Variants in LURAP1L observed in about 807,000 individuals in gnomAD.
The protein encoded by LURAP1L is leucine rich adaptor protein 1-like.
Under a neutral mutation model 13.8 loss-of-function variants are expected in LURAP1L, and 12 were observed. The ratio of observed to expected loss-of-function variants is 0.87; its 90% CI spans 0.56 to 1.41. The LOEUF (loss-of-function observed/expected upper bound fraction) is 1.41. LURAP1L is among the 40% of genes most tolerant of loss of function. The probability of loss-of-function intolerance (pLI) is 0.00; values close to 1 mark genes in which losing one functional copy is unlikely to be tolerated. For synonymous variants in LURAP1L, 139 were observed against 119.2 expected (o/e 1.17, Z -1.08); for missense variants, 375 against 292.9 (o/e 1.28, Z -2.04).
chr9:12,814,621 A>G (rs766229681), intron 1 of LURAP1L, among the ~76,000 whole-genome samples: 1 of 152,170 alleles, frequency 6.6e-6, no homozygotes, highest in Non-Finnish European at 1.5e-5. Flanking sequence ...AACTGTACAG[A>G]TCTCACGAGC....
chr9:12,785,961 C>A (rs1176624701), intron 1 of LURAP1L, among the ~76,000 whole-genome samples: 1 of 152,044 alleles, frequency 6.6e-6, no homozygotes, highest in African/African-American at 2.4e-5. Flanking sequence ...TCTCTCAGAT[C>A]TTTTTTCATG....
intron 1 of LURAP1L, among the ~76,000 whole-genome samples, chr9:12,776,631 T>C (rs3750503): frequency 0.12 from 18,062 of 151,956 alleles, 2,069 homozygotes; most frequent in East Asian, 0.55. Context: ...AACAATGGCC[T>C]ACTCGTCCTT....
At chr9:12,776,879 C>G (rs1819193580) in intron 1 of LURAP1L, among the ~76,000 whole-genome samples, 1 of 151,992 alleles carries the variant, frequency 6.6e-6, no homozygotes, top group African/African-American at 2.4e-5. Flanking sequence ...GCCATGAGCT[C>G]TTGGGCACGT....
chr9:12,793,157 G>A (rs963053968), intron 1 of LURAP1L, among the ~76,000 whole-genome samples: 17 of 152,000 alleles, frequency 1.1e-4, no homozygotes, highest in African/African-American at 3.9e-4. Flanking sequence ...CCCCTACTCT[G>A]TCTCATCCCC....
At chr9:12,797,821 AG>A (rs1229192971) in intron 1 of LURAP1L, among the ~76,000 whole-genome samples, 1 of 152,192 alleles carries the variant, frequency 6.6e-6, no homozygotes, top group African/African-American at 2.4e-5. Context: ...TGCTAATTAT[AG>A]GGCAAACAGT....
chr9:12,804,673 T>G (rs1274751480), intron 1 of LURAP1L, among the ~76,000 whole-genome samples: 2 of 152,194 alleles, frequency 1.3e-5, no homozygotes, highest in African/African-American at 4.8e-5. Context: ...AAAAAAATTT[T>G]TTTTTAAATA....
chr9:12,817,279 C>G (rs1449844805), intron 1 of LURAP1L, among the ~76,000 whole-genome samples: 1 of 152,054 alleles, frequency 6.6e-6, no homozygotes, highest in African/African-American at 2.4e-5. Context: ...TTCCAACAGA[C>G]AATCCAATCT....
At chr9:12,800,533 C>CA (rs5896538) in intron 1 of LURAP1L, among the ~76,000 whole-genome samples, 19,555 of 140,200 alleles carry the variant, frequency 0.14, 1,398 homozygotes, top group South Asian at 0.25. Flanking sequence ...AACAACAAAA[C>CA]AAAAAAAAAA....
intron 1 of LURAP1L, among the ~76,000 whole-genome samples, chr9:12,800,935 T>A (rs1418109775): frequency 6.6e-6 from 1 of 152,192 alleles, no homozygotes; most frequent in South Asian, 2.1e-4. Flanking sequence ...TGCTTCTGTT[T>A]AGGATAATGT....
At chr9:12,805,657 T>TTA (rs1465880983) in intron 1 of LURAP1L, among the ~76,000 whole-genome samples, 1 of 152,218 alleles carries the variant, frequency 6.6e-6, no homozygotes, top group East Asian at 1.9e-4. Flanking sequence ...ATCATCCTAA[T>TTA]ATAGGTTACC....
At chr9:12,788,592 T>C (rs755382676) in intron 1 of LURAP1L, among the ~76,000 whole-genome samples, 1 of 152,120 alleles carries the variant, frequency 6.6e-6, no homozygotes, top group Non-Finnish European at 1.5e-5. Context: ...ATGTTATTTA[T>C]GTGAATATGA....
In LURAP1L at chr9:12,804,585, C is replaced by T. The variant is rs145594851; in HGVS notation, c.313-16801C>T. ...CTCGAATTCCTGACCTGAGGTGATC[C>T]GCTTGCCTCGGCCTCCAAAAGTATT... On this transcript the variant is annotated intron_variant, in intron 1 of 1. Transcript: ENST00000319264. 3.3e-5 allele frequency among the ~76,000 whole-genome samples: 5 copies of T among 152,166 alleles called. No individual in the cohort carries two copies. In the East Asian group the frequency reaches 5.8e-4, roughly 18 times the overall value.
rs1819888716 is a variant in LURAP1L, at chr9:12,822,013, TAGG to T, written c.*254_*256del. 2.6e-6 allele frequency: 1 copy of T among 382,696 alleles called. No homozygotes were observed. Among genetic ancestry groups the T allele is most frequent in the South Asian group, 7.4e-5 (1 of 13,478 alleles). 23.7% of individuals were successfully genotyped at this position (382,696 alleles called of 1,614,324 possible). On this transcript the variant is annotated 3_prime_UTR_variant, in exon 2 of 2. Coordinates refer to ENST00000319264, the MANE Select transcript of LURAP1L (RefSeq NM_203403.2). The stretch of plus-strand genomic sequence containing the variant: ...TTCTTTTACAGTAGCACAAACAAAG[TAGG>T]GGGAAAAGAATAAGCAATAATTATG...
chr9:12,790,704 T>C, intron 1 of LURAP1L: 1 of 152,062 alleles, frequency 6.6e-6, no homozygotes, highest in Non-Finnish European at 1.5e-5. Context: ...GGAACCATTG[T>C]TCTCAGAGTT....
intron 1 of LURAP1L, among the ~76,000 whole-genome samples, chr9:12,811,762 C>T (rs1819739029): frequency 6.6e-6 from 1 of 152,186 alleles, no homozygotes; most frequent in Non-Finnish European, 1.5e-5. Flanking sequence ...TATCCCAAAT[C>T]TTAACAACTT....
intron 1 of LURAP1L, among the ~76,000 whole-genome samples, chr9:12,786,705 C>G (rs1031301581): frequency 6.6e-6 from 1 of 150,974 alleles, no homozygotes; most frequent in African/African-American, 2.4e-5. Flanking sequence ...TCTTAGAGAT[C>G]AGACATCATC....
intron 1 of LURAP1L, among the ~76,000 whole-genome samples, chr9:12,795,238 A>C (rs951580164): frequency 6.6e-6 from 1 of 151,930 alleles, no homozygotes; most frequent in Non-Finnish European, 1.5e-5. Flanking sequence ...TTTTGTAGTT[A>C]ACTCTAACTT....
In LURAP1L at chr9:12,812,733, A is replaced by G. The variant is rs185416011; in HGVS notation, c.313-8653A>G. ...AGATTACAGTCCTATCTCCTCAACAATCTTCAAATGCATTGCTGAACAACT... is the reference window on the plus strand; with the variant it reads ...AGATTACAGTCCTATCTCCTCAACAGTCTTCAAATGCATTGCTGAACAACT... On this transcript the variant is annotated intron_variant, in intron 1 of 1. Transcript: ENST00000319264. 7.8e-4 allele frequency among the ~76,000 whole-genome samples: 119 copies of G among 152,288 alleles called. 5 individuals carry two copies. The East Asian group carries it at 0.021, about 27-fold the overall frequency.
chr9:12,814,426 T>A (rs1241370472), intron 1 of LURAP1L: 1 of 152,222 alleles, frequency 6.6e-6, no homozygotes, highest in Non-Finnish European at 1.5e-5. Context: ...GCCGATTGCA[T>A]CAGCCTAAAT....
Sources: allele counts gnomAD v4.1 joint callset (sites outside exome capture counted in the v4.1 genomes callset), GRCh38; gene constraint gnomAD v4.1.1; transcripts MANE v1.5; gene names NCBI Gene and HGNC (gene_info 2026-07-23, HGNC 2026-07-21).